Variants in CSMD3 observed in about 807,000 individuals in gnomAD.
CSMD3 encodes CUB and sushi domain-containing protein 3.
A neutral mutation model predicts 435.2 loss-of-function variants in CSMD3; 177 were observed. The observed-to-expected ratio is 0.41, with a 90% CI of 0.36 to 0.46. The LOEUF is 0.46. Among genes scored for constraint, CSMD3 ranks in the 20% least tolerant of loss-of-function variants. CSMD3 has a pLI of 0.34. For synonymous variants in CSMD3, 1,656 were observed against 1,520.5 expected (o/e 1.09, Z -2.07); for missense variants, 4,265 against 4,504.6 (o/e 0.95, Z 1.52).
At chr8:112,939,448 C>T (rs891335756) in intron 9 of CSMD3, among the ~76,000 whole-genome samples, 2 of 151,998 alleles carry the variant, frequency 1.3e-5, no homozygotes, top group South Asian at 4.1e-4. Context: ...TGTGGCATTT[C>T]AGTTTGGTGC....
intron 13 of CSMD3, among the ~76,000 whole-genome samples, chr8:112,734,144 AG>A (rs1194424939): frequency 8.6e-5 from 13 of 151,978 alleles, no homozygotes; most frequent in Admixed American, 2.0e-4. Flanking sequence ...TGGCCATTTG[AG>A]AATGGCAGGG....
chr8:113,072,093 C>CT (rs1420214153), intron 5 of CSMD3, among the ~76,000 whole-genome samples: 1 of 151,208 alleles, frequency 6.6e-6, no homozygotes, highest in African/African-American at 2.4e-5. Flanking sequence ...TAAAAATTTC[C>CT]TTATCATATG....
chr8:113,302,530 T>C (rs2093781091), intron 2 of CSMD3, among the ~76,000 whole-genome samples: 1 of 151,390 alleles, frequency 6.6e-6, no homozygotes. Context: ...AAACATTTTA[T>C]TTACGAGCTC....
intron 13 of CSMD3, among the ~76,000 whole-genome samples, chr8:112,763,500 A>G (rs1415506029): frequency 6.7e-6 from 1 of 149,948 alleles, no homozygotes; most frequent in Non-Finnish European, 1.5e-5. Flanking sequence ...TTCAAATAAT[A>G]TTTGAACATT....
At chr8:113,314,096 T>C (rs2093891289) in intron 2 of CSMD3, 1 of 152,410 alleles carries the variant, frequency 6.6e-6, no homozygotes, top group African/African-American at 2.4e-5. Context: ...AAGTATGTAG[T>C]TTTCAGATAT....
chr8:113,340,790 G>A (rs2094113130), intron 1 of CSMD3, among the ~76,000 whole-genome samples: 1 of 151,634 alleles, frequency 6.6e-6, no homozygotes, highest in South Asian at 2.1e-4. Context: ...AATCGCTTGA[G>A]CTTGGAAGTC....
Position 112,281,246 on chromosome 8 carries a change from T to A in CSMD3, c.9436A>T (p.Ile3146Phe), listed in dbSNP as rs1818600258. ...TGTCTAACTGAAGGTCCAGAAAGGA[T>A]GTATCCCTCCATGCAGGAATAAATG... ...SVIYSCMEGYILSGPSVRQCT... is the reference protein window; with the variant it reads ...SVIYSCMEGYFLSGPSVRQCT... The change falls in exon 59 of 71, where the codon ATC becomes TTC. Residue 3146 changes from isoleucine to phenylalanine, a missense_variant. Transcript: ENST00000297405. 4 of 1,613,444 alleles carry A rather than the reference T, an allele frequency of 2.5e-6. No individual in the cohort carries two copies. In the East Asian group the frequency reaches 8.9e-5, roughly 36 times the overall value.
chr8:112,597,119 G>T (rs892913522), intron 22 of CSMD3, among the ~76,000 whole-genome samples: 3 of 151,706 alleles, frequency 2.0e-5, no homozygotes, highest in Admixed American at 6.6e-5. Flanking sequence ...TAGACCGCTA[G>T]CAAGACTAAT....
chr8:112,323,132 G>A (rs1483727568), intron 45 of CSMD3, among the ~76,000 whole-genome samples: 2 of 141,786 alleles, frequency 1.4e-5, no homozygotes, highest in African/African-American at 5.5e-5. Flanking sequence ...AAAAGTAAAG[G>A]GGAAAGGAGT....
At chr8:113,226,176 G>A (rs2093026271) in intron 3 of CSMD3, among the ~76,000 whole-genome samples, 1 of 151,406 alleles carries the variant, frequency 6.6e-6, no homozygotes, top group African/African-American at 2.4e-5. Flanking sequence ...CGGTGAGAAT[G>A]GACTAATACA....
At chr8:113,074,525 A>C (rs1011575321) in intron 5 of CSMD3, among the ~76,000 whole-genome samples, 2 of 151,816 alleles carry the variant, frequency 1.3e-5, no homozygotes, top group African/African-American at 4.8e-5. Flanking sequence ...TTAGAATGTA[A>C]ATTTTTTGCA....
intron 27 of CSMD3, among the ~76,000 whole-genome samples, chr8:112,548,641 A>G (rs556250699): frequency 1.3e-5 from 2 of 152,164 alleles, no homozygotes; most frequent in Non-Finnish European, 2.9e-5. Context: ...TTATGTATAT[A>G]AAGCATTTAA....
chr8:113,151,637 T>G (rs2091807686), intron 4 of CSMD3, among the ~76,000 whole-genome samples: 2 of 152,018 alleles, frequency 1.3e-5, no homozygotes, highest in Admixed American at 6.6e-5. Context: ...TTCTCTTCAG[T>G]AGAGGAATTT....
At chr8:112,973,242 T>G (rs967675703) in intron 7 of CSMD3, among the ~76,000 whole-genome samples, 2 of 151,928 alleles carry the variant, frequency 1.3e-5, no homozygotes, top group Admixed American at 1.3e-4. Flanking sequence ...TTAACTATAT[T>G]GTGGATAATA....
intron 1 of CSMD3, among the ~76,000 whole-genome samples, chr8:113,329,713 T>C (rs112622774): frequency 5.9e-5 from 9 of 152,082 alleles, no homozygotes; most frequent in African/African-American, 2.2e-4. Flanking sequence ...AAAGTGAGAA[T>C]CTTGAAAGCA....
At chr8:112,711,364 G>T (rs1386376950) in intron 13 of CSMD3, among the ~76,000 whole-genome samples, 2 of 152,036 alleles carry the variant, frequency 1.3e-5, no homozygotes, top group African/African-American at 2.4e-5. Flanking sequence ...CAAAATCAAG[G>T]CTGTAAAGAA....
chr8:112,928,841 T>A (rs1448589099), intron 9 of CSMD3, among the ~76,000 whole-genome samples: 1 of 148,792 alleles, frequency 6.7e-6, no homozygotes, highest in South Asian at 2.2e-4. Context: ...TTTCTAGTTC[T>A]AGATCCCTGA....
intron 11 of CSMD3, among the ~76,000 whole-genome samples, chr8:112,833,356 A>C (rs2132496478): frequency 6.6e-6 from 1 of 151,976 alleles, no homozygotes; most frequent in South Asian, 2.1e-4. Context: ...TTACTTCTTG[A>C]AAATGCTTTT....
At chr8:112,894,867 A>T (rs1410687470) in intron 10 of CSMD3, among the ~76,000 whole-genome samples, 3 of 151,376 alleles carry the variant, frequency 2.0e-5, no homozygotes, top group Non-Finnish European at 4.4e-5. Context: ...AAACACACAC[A>T]CAAGATATCA....
Sources: gnomAD v4.1 joint callset for allele counts (sites outside exome capture counted in the v4.1 genomes callset) on GRCh38, gnomAD v4.1.1 for gene constraint, MANE v1.5 for transcripts, NCBI Gene and HGNC (gene_info 2026-07-23, HGNC 2026-07-21) for gene names.